Variants in TRMT11 observed in about 807,000 individuals in gnomAD.
TRMT11 encodes the protein tRNA (guanine(10)-N(2))-methyltransferase TRMT11.
Under a neutral mutation model 62.8 loss-of-function variants are expected in TRMT11, and 53 were observed. The observed-to-expected ratio is 0.84, with a 90% CI of 0.68 to 1.06. The LOEUF (loss-of-function observed/expected upper bound fraction) is 1.06, where lower values mean the gene tolerates loss of function less well. Ranked by LOEUF, TRMT11 falls within the 50% of genes least tolerant of loss-of-function variation. The pLI is 0.00. For synonymous variants in TRMT11, 188 were observed against 190.3 expected, an observed-to-expected ratio of 0.99 and a Z score of 0.10; for missense variants, 556 against 553.4, an observed-to-expected ratio of 1.00 and a Z score of -0.05.
At chr6:126,192,010 T>G (rs1234532349) in intron 1 of TRMT11, among the ~76,000 whole-genome samples, 2 of 152,150 alleles carry the variant, frequency 1.3e-5, no homozygotes, top group Non-Finnish European at 2.9e-5. Flanking sequence ...TGACAAAAAT[T>G]GTACTGAATC....
chr6:126,195,127 G>A (rs893573969), intron 1 of TRMT11, among the ~76,000 whole-genome samples: 13 of 152,054 alleles, frequency 8.5e-5, no homozygotes, highest in Non-Finnish European at 1.3e-4. Context: ...AAAGTTATTG[G>A]TAAAAATTAA....
intron 21 of TRMT11, among the ~76,000 whole-genome samples, chr6:126,141,577 G>A (rs1405997234): frequency 1.3e-5 from 2 of 152,120 alleles, no homozygotes; most frequent in African/African-American, 4.8e-5. Context: ...GGTGATGTGA[G>A]AAGAATGGTC....
At chr6:126,062,914 G>A (rs1776578497) in intron 17 of TRMT11, among the ~76,000 whole-genome samples, 1 of 152,108 alleles carries the variant, frequency 6.6e-6, no homozygotes, top group Non-Finnish European at 1.5e-5. Flanking sequence ...AAATGCTTTT[G>A]GAAAAGGATG....
intron 17 of TRMT11, among the ~76,000 whole-genome samples, chr6:126,053,397 C>G (rs1019489021): frequency 6.6e-6 from 1 of 152,146 alleles, no homozygotes; most frequent in Non-Finnish European, 1.5e-5. Flanking sequence ...TCAAGTGTGT[C>G]TTTTATAGAA....
intron 11 of TRMT11, among the ~76,000 whole-genome samples, chr6:126,020,848 C>G (rs1330631746): frequency 1.3e-5 from 2 of 152,144 alleles, no homozygotes; most frequent in Non-Finnish European, 2.9e-5. Flanking sequence ...TTTGTCTACT[C>G]TTGTGGAATT....
chr6:126,238,272 T>C, the TRMT11 span, among the ~76,000 whole-genome samples: 3 of 152,228 alleles, frequency 2.0e-5, no homozygotes, highest in Non-Finnish European at 4.4e-5. Flanking sequence ...GTGTTTGCTC[T>C]TGCTTCTCTA....
intron 21 of TRMT11, among the ~76,000 whole-genome samples, chr6:126,135,607 GA>G (rs2128209888): frequency 6.6e-6 from 1 of 151,790 alleles, no homozygotes; most frequent in Non-Finnish European, 1.5e-5. Context: ...AAAAATTAAA[GA>G]GGAAGGAATA....
the TRMT11 span, among the ~76,000 whole-genome samples, chr6:126,256,636 C>A: frequency 6.6e-6 from 1 of 152,102 alleles, no homozygotes; most frequent in Non-Finnish European, 1.5e-5. Context: ...GTACTAGGAA[C>A]TTTTCCATTC....
At chr6:126,224,496 T>TC in the TRMT11 span, among the ~76,000 whole-genome samples, 1 of 152,176 alleles carries the variant, frequency 6.6e-6, no homozygotes, top group South Asian at 2.1e-4. Context: ...CTTTGTCCCC[T>TC]CAAGTTTAAG....
chr6:126,093,631 A>ATATATATTTTTTTTTTTTTTTT (rs1554236842), intron 17 of TRMT11, among the ~76,000 whole-genome samples: 3 of 98,014 alleles, frequency 3.1e-5, no homozygotes, highest in African/African-American at 1.3e-4. Flanking sequence ...ATATATATAT[A>ATATATATTTTTTTTTTTTTTTT]TTTTCCCCCA....
chr6:126,042,494 C>T (rs972045455), downstream of TRMT11, among the ~76,000 whole-genome samples: 4 of 152,062 alleles, frequency 2.6e-5, no homozygotes, highest in Non-Finnish European at 5.9e-5. Context: ...AGTCAGCTTC[C>T]CTTATGTAAC....
chr6:126,224,593 G>C, the TRMT11 span, among the ~76,000 whole-genome samples: 2 of 152,180 alleles, frequency 1.3e-5, no homozygotes, highest in Non-Finnish European at 2.9e-5. Context: ...GCTTCATCAG[G>C]GTGGTGGCAG....
chr6:126,241,667 C>A, the TRMT11 span, among the ~76,000 whole-genome samples: 1 of 152,124 alleles, frequency 6.6e-6, no homozygotes, highest in Admixed American at 6.5e-5. Context: ...CATAATCCAG[C>A]ATATAAACAG....
intron 21 of TRMT11, among the ~76,000 whole-genome samples, chr6:126,126,004 C>G (rs561569354): frequency 2.0e-5 from 3 of 152,192 alleles, no homozygotes; most frequent in African/African-American, 7.2e-5. Context: ...TGATATTAAG[C>G]AGAACTCAGT....
intron 12 of TRMT11, among the ~76,000 whole-genome samples, 154 bp from the exon 13 acceptor site, chr6:126,038,551 A>G (rs1381918014): frequency 6.6e-6 from 1 of 152,048 alleles, no homozygotes; most frequent in Non-Finnish European, 1.5e-5. Context: ...AAGGATGTAA[A>G]GTGATGGTAT....
chr6:125,998,478 A>G, intron 5 of TRMT11, 72 bp from the exon 6 acceptor site: 1 of 1,484,608 alleles, frequency 6.7e-7, no homozygotes, highest in Non-Finnish European at 9.2e-7. Context: ...TTACAAGGTA[A>G]TGTTATTAGA....
At position 126,193,488 on chromosome 6, in the gene TRMT11, GTAT is replaced by G. The variant is rs1352503842; in HGVS notation, n.144-5309_144-5307del. ...TAGGTTATTTAAGAGGAGCGTTTCT[GTAT>G]TTTTTTTTTTTTTTTTTTTTTTTGA... is the stretch of plus-strand genomic sequence containing the variant. On this transcript the variant is annotated intron_variant and non_coding_transcript_variant, in intron 1 of 3. Transcript: ENST00000444229. Among the ~76,000 whole-genome samples the G allele has an allele frequency of 4.1e-4, 49 of 118,116 alleles. 2 individuals carry two copies. The highest frequency in any genetic ancestry group is 1.7e-3 in the African/African-American group (47 of 26,884). The allele number at this position is 118,116 out of a possible 152,430, so 77.5% of individuals were successfully genotyped here.
intron 17 of TRMT11, among the ~76,000 whole-genome samples, chr6:126,101,734 G>T (rs1777404330): frequency 6.6e-6 from 1 of 152,218 alleles, no homozygotes; most frequent in African/African-American, 2.4e-5. Flanking sequence ...CGCATTTCCA[G>T]TTCTCTTTTG....
At chr6:125,989,677 G>A (rs1443896640) in intron 1 of TRMT11, among the ~76,000 whole-genome samples, 3 of 152,098 alleles carry the variant, frequency 2.0e-5, no homozygotes, top group Non-Finnish European at 4.4e-5. Flanking sequence ...TGTTTTTTCC[G>A]TCGTAAATTC....
Sources: gnomAD v4.1 joint callset for allele counts (sites outside exome capture counted in the v4.1 genomes callset) on GRCh38, gnomAD v4.1.1 for gene constraint, MANE v1.5 for transcripts, NCBI Gene and HGNC (gene_info 2026-07-23, HGNC 2026-07-21) for gene names.